Variants in STX5 observed in about 807,000 individuals in gnomAD.
STX5 encodes the protein syntaxin 5, also known as syntaxin-5.
STX5 carries 15 observed loss-of-function variants against 42.9 expected under a neutral mutation model. The observed-to-expected ratio is 0.35, with a 90% confidence interval of 0.23 to 0.54. The LOEUF (loss-of-function observed/expected upper bound fraction) is 0.54. Ranked by LOEUF, STX5 falls within the 20% of genes least tolerant of loss-of-function variation. STX5 has a pLI of 0.91. For missense variants in STX5, 430 were observed against 455.0 expected, an observed-to-expected ratio of 0.95 and a Z score of 0.50; for synonymous variants, 184 against 173.2, an observed-to-expected ratio of 1.06 and a Z score of -0.49.
Position 62,827,627 on chromosome 11 carries a change from C to A in STX5, c.230G>T (p.Gly77Val). 6.2e-7 allele frequency: 1 copy of A among 1,614,164 alleles called. No homozygotes were observed. Among genetic ancestry groups the A allele is most frequent in the Non-Finnish European group, 8.5e-7 (1 of 1,180,038 alleles). Residue 77 changes from glycine to valine, a missense_variant, in exon 3 of 11, where the codon GGA becomes GTA. Coordinates refer to ENST00000294179, the MANE Select transcript of STX5 (RefSeq NM_003164.5). ...ACKSLQTRQN[G>V]IQTNKPALRA... ...CAAAGCTGGCTTATTTGTCTGGATT[C>A]CATTCTGAAAAGCAATGGCAGGAGG... is the stretch of plus-strand genomic sequence containing the variant.
intron 10 of STX5, 41 bp downstream of exon 10, chr11:62,824,125 A>G (rs1290932171): frequency 6.2e-7 from 1 of 1,611,766 alleles, no homozygotes; most frequent in East Asian, 2.2e-5. Context: ...TCCACGGGGA[A>G]GAGAAAGCTC....
intron 10 of STX5, 148 bp downstream of exon 10, chr11:62,824,018 G>A: frequency 7.7e-7 from 1 of 1,304,510 alleles, no homozygotes; most frequent in Non-Finnish European, 1.1e-6. Flanking sequence ...AACTTGTTGG[G>A]TGGATGGAAG....
At position 62,807,268 on chromosome 11, in the gene STX5, C is replaced by T; in HGVS notation, c.*201G>A. ...TTCAAATCTAGAACCCTGTGTGTTT[C>T]ATAGGCCTGAGGGTGGTGGGGGGAG... On this transcript the variant is annotated 3_prime_UTR_variant, in exon 11 of 11. Coordinates refer to ENST00000294179, the MANE Select transcript of STX5 (RefSeq NM_003164.5). 5.6e-6 allele frequency: 4 copies of T among 713,256 alleles called. No individual in the cohort carries two copies. Among genetic ancestry groups the T allele is most frequent in the Non-Finnish European group, 8.7e-6 (4 of 458,340 alleles). The allele number at this position is 713,256 out of a possible 1,614,324, so 44.2% of individuals were successfully genotyped here.
chr11:62,831,236 G>T lies in STX5; in HGVS notation c.8C>A (p.Pro3Gln). The T allele has an allele frequency of 6.4e-7, 1 of 1,560,334 alleles. No homozygotes were observed. The highest frequency in any genetic ancestry group is 1.3e-5 in the African/African-American group (1 of 74,136). ...GTTCTTAGACCCGTAGCGTTTCCGC[G>T]GGATCATTGAGACGCATAACCTCGG... is the stretch of plus-strand genomic sequence containing the variant. Reference protein sequence around the residue: MIPRKRYGSKNTD... With the variant: MIQRKRYGSKNTD... The change falls in exon 2 of 11, where the codon CCG (proline) becomes CAG (glutamine). Residue 3 changes from proline to glutamine, a missense_variant. Coordinates refer to ENST00000294179, the MANE Select transcript of STX5 (RefSeq NM_003164.5).
intron 10 of STX5, 192 bp downstream of exon 10, chr11:62,823,974 G>T: frequency 1.3e-6 from 1 of 794,234 alleles, no homozygotes; most frequent in Non-Finnish European, 2.0e-6. Flanking sequence ...CCCGCACCTG[G>T]AACAGTGCCT....
At chr11:62,812,278 T>C (rs2084625723) in intron 10 of STX5, among the ~76,000 whole-genome samples, 1 of 151,760 alleles carries the variant, frequency 6.6e-6, no homozygotes, top group African/African-American at 2.4e-5. Context: ...GGTTTCTCCA[T>C]GTTGGTCAGG....
At chr11:62,827,087 G>C in intron 5 of STX5, 68 bp downstream of exon 5, 1 of 1,494,664 alleles carries the variant, frequency 6.7e-7, no homozygotes, top group South Asian at 1.2e-5. Context: ...CCATGGCAAT[G>C]GAAAATGACA....
chr11:62,831,509 T>C (rs2084863734), intron 1 of STX5, among the ~76,000 whole-genome samples: 1 of 152,094 alleles, frequency 6.6e-6, no homozygotes, highest in Non-Finnish European at 1.5e-5. Flanking sequence ...CCGGGGACCC[T>C]GAAGCAGAGA....
chr11:62,827,291 C>T, intron 4 of STX5, 52 bp downstream of exon 4: 9 of 1,613,934 alleles, frequency 5.6e-6, no homozygotes, highest in Non-Finnish European at 7.6e-6. Context: ...ATATAGTCCT[C>T]AACCCTCTTT....
chr11:62,825,839 C>A (rs1216350238), intron 5 of STX5, among the ~76,000 whole-genome samples: 1 of 152,150 alleles, frequency 6.6e-6, no homozygotes, highest in African/African-American at 2.4e-5. Flanking sequence ...TGCTCTTGGC[C>A]ACAGAACCCT....
At chr11:62,814,081 A>C (rs558239425) in intron 10 of STX5, among the ~76,000 whole-genome samples, 2 of 152,294 alleles carry the variant, frequency 1.3e-5, no homozygotes, top group African/African-American at 4.8e-5. Flanking sequence ...CACTCACAAT[A>C]ATCATTGCCC....
chr11:62,807,736 CTTA>C, intron 10 of STX5, 108 bp from the exon 11 acceptor site: 1 of 1,511,552 alleles, frequency 6.6e-7, no homozygotes, highest in Non-Finnish European at 8.9e-7. Flanking sequence ...TGATCCCATT[CTTA>C]TATATATTTG....
chr11:62,812,705 G>C (rs1196452457), intron 10 of STX5, among the ~76,000 whole-genome samples: 1 of 151,942 alleles, frequency 6.6e-6, no homozygotes, highest in African/African-American at 2.4e-5. Flanking sequence ...ACAGGCGTGA[G>C]CCACCACGCC....
chr11:62,814,756 A>G (rs1324829640), intron 10 of STX5, among the ~76,000 whole-genome samples: 4 of 151,250 alleles, frequency 2.6e-5, no homozygotes, highest in Non-Finnish European at 5.9e-5. Flanking sequence ...CACCACGCTC[A>G]GCAAATTTTG....
At position 62,830,064 on chromosome 11, in the gene STX5, CAAAAAAAAAAA is replaced by C. The variant is rs764798047; in HGVS notation, c.225+944_225+954del. Among the ~76,000 whole-genome samples the C allele has an allele frequency of 1.7e-4, 9 of 53,268 alleles. No individual in the cohort carries two copies. The Admixed American group carries it at 1.8e-3, about 11-fold the overall frequency. 34.9% of individuals were successfully genotyped at this position (53,268 alleles called of 152,430 possible). On this transcript the variant is annotated intron_variant, in intron 2 of 10. Transcript: ENST00000294179. ...TGGGCGACAAGGCAAAATTCCTTCT[CAAAAAAAAAAA>C]AAAAAAAAAAAGAGAGAGAGGAAGA...
At chr11:62,822,643 C>G (rs1425050280) in intron 10 of STX5, among the ~76,000 whole-genome samples, 1 of 151,816 alleles carries the variant, frequency 6.6e-6, no homozygotes, top group Non-Finnish European at 1.5e-5. Context: ...CCAAACCTGG[C>G]ACTCCTGATT....
In STX5 at chr11:62,827,407, GACC is replaced by G; in HGVS notation, c.297-12_297-10del. 1 of 1,614,174 alleles carries G rather than the reference GACC, an allele frequency of 6.2e-7. No homozygotes were observed. On this transcript the variant is annotated splice_polypyrimidine_tract_variant and intron_variant, in intron 3 of 10. Transcript: ENST00000294179. ...GGTCTTTCCCAATGCGCCTGCAAATGACCACTAGTCAGACTGTGGGAAAGGGCA... is the reference window on the plus strand; with the variant it reads ...GGTCTTTCCCAATGCGCCTGCAAATGACTAGTCAGACTGTGGGAAAGGGCA...
At chr11:62,827,462 G>C (rs2084809298) in intron 3 of STX5, 64 bp from the exon 4 acceptor site, 1 of 1,613,120 alleles carries the variant, frequency 6.2e-7, no homozygotes, top group African/African-American at 1.3e-5. Context: ...ATAAGCTCCA[G>C]CATAACCAAT....
Position 62,825,493 on chromosome 11 carries a change from A to C in STX5, c.470T>G (p.Val157Gly), listed in dbSNP as rs2134849124. 6.2e-7 allele frequency: 1 copy of C among 1,613,974 alleles called. No homozygotes were observed. Among genetic ancestry groups the C allele is most frequent in the African/African-American group, 1.3e-5 (1 of 75,038 alleles). Residue 157 changes from valine (V) to glycine (G), a missense_variant, in exon 6 of 11, where the codon GTG (valine) becomes GGG (glycine). Transcript: ENST00000294179. Reference sequence around the variant, plus strand: ...GCCACTCTGGCTGCCCTTGGCTCTCACGAAATCCTGGAGCTGAGCAATTTG... The same window carrying C: ...GCCACTCTGGCTGCCCTTGGCTCTCCCGAAATCCTGGAGCTGAGCAATTTG... ...NKQIAQLQDFVRAKGSQSGRH... is the reference protein window; with the variant it reads ...NKQIAQLQDFGRAKGSQSGRH...
Sources: allele counts gnomAD v4.1 joint callset (sites outside exome capture counted in the v4.1 genomes callset), GRCh38; gene constraint gnomAD v4.1.1; transcripts MANE v1.5; gene names NCBI Gene and HGNC (gene_info 2026-07-23, HGNC 2026-07-21).